KLHL1: variants seen among roughly 807,000 people sequenced by gnomAD.
KLHL1 encodes kelch like family member 1.
In KLHL1, 47 loss-of-function variants were observed where a neutral mutation model predicts 77.7. The ratio of observed to expected loss-of-function variants is 0.60; its 90% CI spans 0.48 to 0.77. The LOEUF (loss-of-function observed/expected upper bound fraction) is 0.77, where lower values mean the gene tolerates loss of function less well. Among genes scored for constraint, KLHL1 ranks in the 30% least tolerant of loss-of-function variants. The pLI is 0.00. For synonymous variants in KLHL1, 360 were observed against 325.2 expected (o/e 1.11, Z -1.15); for missense variants, 925 against 910.8 (o/e 1.02, Z -0.20).
At chr13:70,072,685 G>GA (rs930306653) in intron 1 of KLHL1, among the ~76,000 whole-genome samples, 5 of 149,256 alleles carry the variant, frequency 3.3e-5, no homozygotes, top group Non-Finnish European at 6.0e-5. Flanking sequence ...ACAAACTGAA[G>GA]AAAAAAAAAG....
intron 7 of KLHL1, among the ~76,000 whole-genome samples, chr13:69,742,835 T>A (rs576258755): frequency 2.0e-5 from 3 of 152,156 alleles, no homozygotes; most frequent in Admixed American, 2.0e-4. Flanking sequence ...GTTCTTTCAT[T>A]AGGTAGCTTG....
At chr13:70,092,111 A>T (rs1223184648) in intron 1 of KLHL1, among the ~76,000 whole-genome samples, 2 of 152,190 alleles carry the variant, frequency 1.3e-5, no homozygotes, top group Non-Finnish European at 2.9e-5. Context: ...TTTCCACCAG[A>T]TGAGAAATAA....
chr13:70,050,246 T>G (rs1016374735), intron 1 of KLHL1, among the ~76,000 whole-genome samples: 7 of 152,006 alleles, frequency 4.6e-5, no homozygotes, highest in Admixed American at 1.3e-4. Context: ...CTGTGTTACA[T>G]AAAATAGTTA....
At chr13:70,003,462 A>G (rs1337708056) in intron 1 of KLHL1, among the ~76,000 whole-genome samples, 1 of 151,764 alleles carries the variant, frequency 6.6e-6, no homozygotes, top group Non-Finnish European at 1.5e-5. Context: ...TGAGGTGTGC[A>G]TCATGAAATA....
intron 1 of KLHL1, among the ~76,000 whole-genome samples, chr13:70,003,971 A>G (rs1418377497): frequency 1.3e-5 from 2 of 151,804 alleles, no homozygotes; most frequent in East Asian, 3.9e-4. Flanking sequence ...ACAAAATCTG[A>G]AGGTCAATGT....
At chr13:69,965,799 G>C (rs1884194568) in intron 2 of KLHL1, among the ~76,000 whole-genome samples, 1 of 152,134 alleles carries the variant, frequency 6.6e-6, no homozygotes, top group Non-Finnish European at 1.5e-5. Context: ...TGGAGAAAGT[G>C]AGTGGTCTGG....
intron 7 of KLHL1, among the ~76,000 whole-genome samples, chr13:69,745,217 G>C (rs986674626): frequency 6.6e-6 from 1 of 151,824 alleles, no homozygotes; most frequent in Non-Finnish European, 1.5e-5. Context: ...GTAAAACTAA[G>C]CATTTGTTCA....
rs1875394445 is a variant in KLHL1 at position 69,701,559 on chromosome 13, T to C, written c.*143A>G. 6 of 632,688 alleles carry C rather than the reference T, an allele frequency of 9.5e-6. No individual in the cohort carries two copies. The highest frequency in any genetic ancestry group is 1.4e-5 in the Non-Finnish European group (5 of 355,578). The allele number at this position is 632,688 out of a possible 1,614,324, so 39.2% of individuals were successfully genotyped here. A position where few individuals can be genotyped will look rare whatever the true frequency, so the allele number is the denominator to read the frequency against. Reference sequence around the variant, plus strand: ...TTTCCTACTATTCTGTTTGATCTACTAACTCTTTCAACATCAGTAGGTAAC... The same window carrying C: ...TTTCCTACTATTCTGTTTGATCTACCAACTCTTTCAACATCAGTAGGTAAC... On this transcript the variant is annotated 3_prime_UTR_variant, in exon 11 of 11. Coordinates refer to ENST00000377844, the MANE Select transcript of KLHL1 (RefSeq NM_020866.3).
In KLHL1 at chr13:69,770,411, G is replaced by A. The variant is rs561833279; in HGVS notation, c.1639+26327C>T. ...TGAAGTGGAACCAAAACTATCCTAC[G>A]TCATTGACAAGCTGTGAATGCATTG... On this transcript the variant is annotated intron_variant, in intron 7 of 10. Transcript: ENST00000377844. Among the ~76,000 whole-genome samples, 12 of 152,344 alleles carry A rather than the reference G, an allele frequency of 7.9e-5. No homozygotes were observed. In the East Asian group the frequency reaches 1.4e-3, roughly 17 times the overall value.
intron 1 of KLHL1, among the ~76,000 whole-genome samples, chr13:70,071,239 T>G (rs776217905): frequency 3.9e-5 from 6 of 152,014 alleles, no homozygotes; most frequent in Non-Finnish European, 7.4e-5. Flanking sequence ...ACTTTCACAC[T>G]AAACAGACTT....
intron 6 of KLHL1, among the ~76,000 whole-genome samples, chr13:69,806,089 T>C (rs1311832727): frequency 6.6e-6 from 1 of 152,314 alleles, no homozygotes; most frequent in East Asian, 1.9e-4. Context: ...ATTTTTAATG[T>C]AATAAGAGTG....
intron 1 of KLHL1, among the ~76,000 whole-genome samples, chr13:70,071,587 C>T (rs911902950): frequency 4.0e-5 from 6 of 151,528 alleles, no homozygotes; most frequent in African/African-American, 1.5e-4. Context: ...TAAAACTGAC[C>T]TTAACGAATC....
intron 6 of KLHL1, among the ~76,000 whole-genome samples, chr13:69,837,660 GTGTGTGTGTGTA>G: frequency 5.2e-4 from 66 of 127,220 alleles, no homozygotes; most frequent in African/African-American, 2.2e-3. Context: ...ATATATATGT[GTGTGTGTGTGTA>G]TATATATATA....
intron 1 of KLHL1, among the ~76,000 whole-genome samples, chr13:70,085,905 A>C (rs529403250): frequency 3.3e-5 from 5 of 152,304 alleles, no homozygotes; most frequent in African/African-American, 1.2e-4. Context: ...CACTGAATAA[A>C]GAGGATTATG....
At chr13:69,712,090 T>C (rs762751614) in intron 9 of KLHL1, among the ~76,000 whole-genome samples, 1 of 152,122 alleles carries the variant, frequency 6.6e-6, no homozygotes, top group Non-Finnish European at 1.5e-5. Flanking sequence ...ATCTAGAATT[T>C]GCCTATATAT....
intron 6 of KLHL1, among the ~76,000 whole-genome samples, chr13:69,797,221 T>C (rs552639154): frequency 1.0e-3 from 152 of 152,210 alleles, no homozygotes; most frequent in Non-Finnish European, 2.0e-3. Context: ...ATTGATTCTA[T>C]AGAAACATTG....
intron 4 of KLHL1, among the ~76,000 whole-genome samples, chr13:69,888,234 C>A (rs546596943): frequency 6.6e-6 from 1 of 152,130 alleles, no homozygotes; most frequent in Admixed American, 6.5e-5. Context: ...AAATACCTCA[C>A]AATGTCCTCC....
intron 1 of KLHL1, among the ~76,000 whole-genome samples, chr13:70,100,154 G>A (rs1030669875): frequency 2.4e-4 from 36 of 151,486 alleles, no homozygotes; most frequent in African/African-American, 7.3e-4. Flanking sequence ...TTAGTAGTGA[G>A]TCTTCTGATC....
chr13:70,097,858 A>T (rs1041609295), intron 1 of KLHL1, among the ~76,000 whole-genome samples: 1 of 149,524 alleles, frequency 6.7e-6, no homozygotes, highest in Non-Finnish European at 1.5e-5. Flanking sequence ...AATTAGTTTA[A>T]AGAGGGCCTA....
Sources: allele counts gnomAD v4.1 joint callset (sites outside exome capture counted in the v4.1 genomes callset), GRCh38; gene constraint gnomAD v4.1.1; transcripts MANE v1.5; gene names NCBI Gene and HGNC (gene_info 2026-07-23, HGNC 2026-07-21).